Variants in FAM107B observed in about 807,000 individuals in gnomAD.
FAM107B encodes family with sequence similarity 107 member B.
FAM107B carries 21 observed loss-of-function variants against 31.5 expected under a neutral mutation model. That is an observed-to-expected ratio of 0.67 (90% CI 0.47 to 0.96). FAM107B has a LOEUF of 0.96. Among genes scored for constraint, FAM107B ranks in the 40% least tolerant of loss-of-function variants. FAM107B has a pLI of 0.00. For synonymous variants in FAM107B, 157 were observed against 141.5 expected (o/e 1.11, Z -0.78); for missense variants, 452 against 377.1 (o/e 1.20, Z -1.64).
intron 2 of FAM107B, among the ~76,000 whole-genome samples, chr10:14,665,141 A>C (rs1263855072): frequency 6.6e-6 from 1 of 152,224 alleles, no homozygotes; most frequent in Non-Finnish European, 1.5e-5. Flanking sequence ...TATTGTGTCA[A>C]TAATGTAAAA....
chr10:14,601,022 CT>C (rs1852379318), intron 2 of FAM107B, among the ~76,000 whole-genome samples: 2 of 152,212 alleles, frequency 1.3e-5, no homozygotes, highest in South Asian at 4.1e-4. Flanking sequence ...CTGCTTCAGC[CT>C]CCCAAAGCAC....
chr10:14,659,256 C>T (rs1466592446), intron 2 of FAM107B, among the ~76,000 whole-genome samples: 1 of 152,046 alleles, frequency 6.6e-6, no homozygotes, highest in African/African-American at 2.4e-5. Flanking sequence ...GCCTCACCAA[C>T]ATGGCAAAAC....
Position 14,759,354 on chromosome 10 carries a change from T to G in FAM107B, c.411+14899A>C, listed in dbSNP as rs11259313. ...TCTTTAAGCATTTTCATTTCAACAC[T>G]GTCTGCTCATATAGCCACTATTCTG... is the stretch of plus-strand genomic sequence containing the variant. On this transcript the variant is annotated intron_variant, in intron 1 of 4. Transcript: ENST00000181796. Among the ~76,000 whole-genome samples, 1,013 of 152,326 alleles carry G rather than the reference T, an allele frequency of 6.7e-3. 11 individuals are homozygous for G. Among genetic ancestry groups the G allele is most frequent in the African/African-American group, 0.023 (976 of 41,550 alleles).
chr10:14,744,674 C>G (rs1435044911), intron 1 of FAM107B, among the ~76,000 whole-genome samples: 1 of 152,078 alleles, frequency 6.6e-6, no homozygotes, highest in African/African-American at 2.4e-5. Flanking sequence ...GTTGAACCAG[C>G]CTTGCATCCC....
At chr10:14,741,428 A>C (rs1856434273) in intron 1 of FAM107B, among the ~76,000 whole-genome samples, 1 of 152,108 alleles carries the variant, frequency 6.6e-6, no homozygotes, top group Non-Finnish European at 1.5e-5. Context: ...GAGAGAGAGC[A>C]TCCACTAAGG....
chr10:14,766,508 G>C (rs899386423), intron 1 of FAM107B, among the ~76,000 whole-genome samples: 1 of 152,130 alleles, frequency 6.6e-6, no homozygotes, highest in African/African-American at 2.4e-5. Context: ...GGTGAGTTCA[G>C]AGAGGTACTT....
chr10:14,731,288 G>A (rs761396164), intron 1 of FAM107B, among the ~76,000 whole-genome samples: 7 of 152,206 alleles, frequency 4.6e-5, no homozygotes, highest in Non-Finnish European at 7.3e-5. Context: ...AAGGCCAGGT[G>A]TGGTGGCTCA....
rs75969398 is a variant in FAM107B, at chr10:14,728,204, C to T, written c.411+46049G>A. Among the ~76,000 whole-genome samples, 524 of 152,316 alleles carry T rather than the reference C, an allele frequency of 3.4e-3. 12 individuals are homozygous for T. The East Asian group carries it at 0.046, about 13-fold the overall frequency. ...ATTTGCATTTTTAATATCAACTGCA[C>T]TTGCATCATTTTTTTAGTCAAAGTT... On this transcript the variant is annotated intron_variant, in intron 1 of 4. Transcript: ENST00000181796.
intron 2 of FAM107B, among the ~76,000 whole-genome samples, chr10:14,639,980 G>A (rs10906725): frequency 0.45 from 68,943 of 151,970 alleles, 16,519 homozygotes; most frequent in Middle Eastern, 0.57. Flanking sequence ...ACTGCCACCC[G>A]TTTCCTTCTT....
At chr10:14,638,826 T>C (rs1853563595) in intron 2 of FAM107B, among the ~76,000 whole-genome samples, 1 of 152,212 alleles carries the variant, frequency 6.6e-6, no homozygotes, top group Non-Finnish European at 1.5e-5. Context: ...ATGCCCTTTC[T>C]ATTGCATTCT....
At chr10:14,698,624 G>C (rs575545822) in intron 1 of FAM107B, among the ~76,000 whole-genome samples, 3 of 152,174 alleles carry the variant, frequency 2.0e-5, no homozygotes, top group Non-Finnish European at 4.4e-5. Context: ...TCAAAAACAC[G>C]TGAGTTGACC....
At chr10:14,763,228 C>T (rs1044894820) in intron 1 of FAM107B, among the ~76,000 whole-genome samples, 5 of 152,172 alleles carry the variant, frequency 3.3e-5, no homozygotes, top group Non-Finnish European at 4.4e-5. Context: ...CACCACTGCA[C>T]TCCAGCCTGG....
intron 2 of FAM107B, among the ~76,000 whole-genome samples, chr10:14,579,728 A>G (rs1406193909): frequency 6.6e-6 from 1 of 152,252 alleles, no homozygotes; most frequent in East Asian, 1.9e-4. Flanking sequence ...CTTCCAAAAA[A>G]GATTTGGAGT....
chr10:14,556,176 G>C (rs951944357), intron 2 of FAM107B: 2 of 176,634 alleles, frequency 1.1e-5, no homozygotes, highest in Non-Finnish European at 2.2e-5. Flanking sequence ...CTCAATACTC[G>C]ATATACAAAA....
intron 1 of FAM107B, among the ~76,000 whole-genome samples, chr10:14,688,459 A>G (rs961630903): frequency 6.6e-6 from 1 of 152,204 alleles, no homozygotes; most frequent in Admixed American, 6.5e-5. Context: ...GCATGCATAC[A>G]CACACATGCA....
chr10:14,745,628 T>A (rs988541025), intron 1 of FAM107B, among the ~76,000 whole-genome samples: 7 of 152,212 alleles, frequency 4.6e-5, no homozygotes, highest in African/African-American at 1.7e-4. Context: ...AGTTTCTTAA[T>A]CTTGAGTTCT....
chr10:14,576,466 G>A (rs1851468597), intron 2 of FAM107B, among the ~76,000 whole-genome samples: 1 of 152,150 alleles, frequency 6.6e-6, no homozygotes, highest in South Asian at 2.1e-4. Flanking sequence ...GGCGGAGGCT[G>A]CAGTGAGGGA....
chr10:14,706,596 C>G (rs1241616705), intron 1 of FAM107B, among the ~76,000 whole-genome samples: 1 of 152,138 alleles, frequency 6.6e-6, no homozygotes, highest in African/African-American at 2.4e-5. Context: ...TGACCTCATC[C>G]TTATAAATAT....
In FAM107B at chr10:14,625,935, G is replaced by A. The variant is rs956493472; in HGVS notation, c.469+41699C>T. Among the ~76,000 whole-genome samples the A allele has an allele frequency of 4.0e-5, 6 of 150,592 alleles. No homozygotes were observed. In the East Asian group the frequency reaches 1.2e-3, roughly 29 times the overall value. On this transcript the variant is annotated intron_variant, in intron 2 of 4. Transcript: ENST00000181796. The stretch of plus-strand genomic sequence containing the variant: ...AAGGCTTAAAAGGAGAAGTCGTAAT[G>A]GAATCTGATCTGTTGCCTACATCGT...
Sources: gnomAD v4.1 joint callset for allele counts (sites outside exome capture counted in the v4.1 genomes callset) on GRCh38, gnomAD v4.1.1 for gene constraint, MANE v1.5 for transcripts, NCBI Gene and HGNC (gene_info 2026-07-23, HGNC 2026-07-21) for gene names.